The following CNTN1 variants were observed in gnomAD, a reference collection of about 807,000 sequenced individuals.
CNTN1 encodes the protein contactin-1.
In CNTN1, 38 loss-of-function variants were observed where a neutral mutation model predicts 126.4. That is an observed-to-expected ratio of 0.30 (90% CI 0.23 to 0.39). The LOEUF (loss-of-function observed/expected upper bound fraction) is 0.39, where lower values mean the gene tolerates loss of function less well. Ranked by LOEUF, CNTN1 falls within the 10% of genes least tolerant of loss-of-function variation. CNTN1 has a pLI of 1.00. For missense variants in CNTN1, 1,009 were observed against 1,248.4 expected, an observed-to-expected ratio of 0.81 and a Z score of 2.89; for synonymous variants, 413 against 422.6, an observed-to-expected ratio of 0.98 and a Z score of 0.28.
intron 23 of CNTN1, among the ~76,000 whole-genome samples, chr12:41,069,142 C>A (rs1199608149): frequency 6.6e-6 from 1 of 152,166 alleles, no homozygotes; most frequent in Non-Finnish European, 1.5e-5. Flanking sequence ...ACTTACTTGA[C>A]TACAGGAGTA....
rs531177311 is a variant in CNTN1, at chr12:40,804,777, A to G, written c.-76-103580A>G. Among the ~76,000 whole-genome samples the G allele has an allele frequency of 2.6e-5, 4 of 152,122 alleles. No homozygotes were observed. The South Asian group carries it at 8.3e-4, about 32-fold the overall frequency. ...AGGCCAAATTTCTCTCCAGCATCACATTCTTTTGGCCTAAAGAAATAATTT... is the reference window on the plus strand; with the variant it reads ...AGGCCAAATTTCTCTCCAGCATCACGTTCTTTTGGCCTAAAGAAATAATTT... On this transcript the variant is annotated intron_variant, in intron 1 of 23. Transcript: ENST00000551295.
chr12:40,780,608 C>T (rs1023575272), intron 1 of CNTN1, among the ~76,000 whole-genome samples: 4 of 146,950 alleles, frequency 2.7e-5, no homozygotes, highest in East Asian at 2.1e-4. Context: ...TCTCTATTCT[C>T]GGGAGGCTGA....
intron 3 of CNTN1, among the ~76,000 whole-genome samples, chr12:40,915,728 C>A (rs1358462024): frequency 6.6e-6 from 1 of 152,040 alleles, no homozygotes; most frequent in East Asian, 1.9e-4. Flanking sequence ...CCAACTTAAT[C>A]CTTTTTTTTT....
chr12:40,929,842 C>T lies in CNTN1; in HGVS notation c.543C>T (p.Ile181=). ...RWLLNEFPVF[I]TMDKRRFVSQ... is the part of the protein sequence containing the mutation. The stretch of plus-strand genomic sequence containing the variant: ...TTCTAAATGAATTTCCTGTATTTAT[C>T]ACAATGGATAAACGGCGATTTGTGT... Residue 181 remains isoleucine, a synonymous_variant, in exon 7 of 24, where the codon ATC becomes ATT. Transcript: ENST00000551295. The T allele has an allele frequency of 6.8e-6, 11 of 1,612,488 alleles. No individual in the cohort carries two copies. Among genetic ancestry groups the T allele is most frequent in the Non-Finnish European group, 9.3e-6 (11 of 1,178,938 alleles).
At chr12:40,831,873 A>T (rs1941852765) in intron 1 of CNTN1, among the ~76,000 whole-genome samples, 1 of 152,222 alleles carries the variant, frequency 6.6e-6, no homozygotes, top group Non-Finnish European at 1.5e-5. Flanking sequence ...AAGATAAAAC[A>T]TAGGAGCACC....
intron 1 of CNTN1, among the ~76,000 whole-genome samples, chr12:40,885,552 C>T (rs1316483578): frequency 6.6e-6 from 1 of 151,910 alleles, no homozygotes; most frequent in African/African-American, 2.4e-5. Flanking sequence ...CTTTGTGTCT[C>T]AATTTCTCTA....
At position 41,070,453 on chromosome 12, in the gene CNTN1, A is replaced by T. The variant is rs1024063959; in HGVS notation, c.*418A>T. 3 of 271,974 alleles carry T rather than the reference A, an allele frequency of 1.1e-5. No homozygotes were observed. The highest frequency in any genetic ancestry group is 6.6e-5 in the African/African-American group (3 of 45,306). 16.8% of individuals were successfully genotyped at this position (271,974 alleles called of 1,614,324 possible). A position where few individuals can be genotyped will look rare whatever the true frequency, so the allele number is the denominator to read the frequency against. On this transcript the variant is annotated 3_prime_UTR_variant, in exon 24 of 24. Coordinates refer to ENST00000551295, the MANE Select transcript of CNTN1 (RefSeq NM_001843.4). ...GATTGAAATGTTGGTTGTATGTGGT[A>T]AATGTAAGAGTAATACAGTCTCTTG...
intron 1 of CNTN1, among the ~76,000 whole-genome samples, chr12:40,734,459 C>G (rs116901033): frequency 0.012 from 1,829 of 152,146 alleles, 21 homozygotes; most frequent in Non-Finnish European, 0.02. Flanking sequence ...GGCAGTAGAC[C>G]TTTAGGGCAC....
intron 15 of CNTN1, among the ~76,000 whole-genome samples, chr12:40,970,386 A>G (rs1005688559): frequency 6.6e-6 from 1 of 152,270 alleles, no homozygotes; most frequent in East Asian, 1.9e-4. Context: ...AAAATTTTAT[A>G]TGCTTAAAAT....
chr12:40,855,007 T>C (rs757427583), intron 1 of CNTN1, among the ~76,000 whole-genome samples: 8 of 152,092 alleles, frequency 5.3e-5, no homozygotes, highest in Non-Finnish European at 1.2e-4. Flanking sequence ...CCTTAGATTG[T>C]ATTAAGAAGA....
At chr12:40,954,316 CTATT>C (rs1013283208) in intron 14 of CNTN1, among the ~76,000 whole-genome samples, 8 of 151,898 alleles carry the variant, frequency 5.3e-5, no homozygotes, top group African/African-American at 1.2e-4. Flanking sequence ...TCAAAACAGT[CTATT>C]TAACAAATAT....
chr12:40,891,760 C>T (rs1944247055), intron 1 of CNTN1, among the ~76,000 whole-genome samples: 1 of 151,976 alleles, frequency 6.6e-6, no homozygotes, highest in Non-Finnish European at 1.5e-5. Context: ...TATTTTTCAC[C>T]AGTACCACAG....
chr12:40,858,781 G>A (rs1253649793), intron 1 of CNTN1, among the ~76,000 whole-genome samples: 2 of 152,086 alleles, frequency 1.3e-5, no homozygotes, highest in Non-Finnish European at 2.9e-5. Context: ...TATACACCAT[G>A]GAATACTATG....
At chr12:40,762,460 TAGTC>T (rs1938900010) in intron 1 of CNTN1, among the ~76,000 whole-genome samples, 1 of 152,148 alleles carries the variant, frequency 6.6e-6, no homozygotes, top group South Asian at 2.1e-4. Context: ...TTCAGAGAAA[TAGTC>T]AGAACTTATC....
At chr12:40,729,674 C>A in intron 1 of CNTN1, 1 of 211,476 alleles carries the variant, frequency 4.7e-6, no homozygotes, top group South Asian at 8.7e-5. Flanking sequence ...CAATGCACTC[C>A]ATTGTGCCTA....
chr12:40,943,957 A>G (rs781141713), intron 13 of CNTN1, 38 bp from the exon 14 acceptor site: 3 of 1,577,632 alleles, frequency 1.9e-6, no homozygotes, highest in African/African-American at 1.3e-5. Flanking sequence ...TGTGTCTTAT[A>G]TCTTCTTGAA....
chr12:40,911,217 A>AC (rs966107619), intron 3 of CNTN1, among the ~76,000 whole-genome samples: 43 of 152,064 alleles, frequency 2.8e-4, no homozygotes, highest in African/African-American at 1.0e-3. Flanking sequence ...AGTAGCTGGG[A>AC]CTACAGGCAC....
intron 14 of CNTN1, among the ~76,000 whole-genome samples, chr12:40,951,193 A>T (rs1946665243): frequency 6.6e-6 from 1 of 152,098 alleles, no homozygotes; most frequent in East Asian, 1.9e-4. Context: ...TGGTCTTTTG[A>T]GTTTTCATTT....
chr12:41,044,708 G>A (rs1029354522), intron 23 of CNTN1, among the ~76,000 whole-genome samples: 8 of 152,116 alleles, frequency 5.3e-5, no homozygotes, highest in African/African-American at 1.9e-4. Flanking sequence ...TATATAGTGA[G>A]TGCTTTGGAA....
Sources: allele counts gnomAD v4.1 joint callset (sites outside exome capture counted in the v4.1 genomes callset), GRCh38; gene constraint gnomAD v4.1.1; transcripts MANE v1.5; gene names NCBI Gene and HGNC (gene_info 2026-07-23, HGNC 2026-07-21).